Variants in DIXDC1 observed in about 807,000 individuals in gnomAD.
DIXDC1 encodes dixin.
In DIXDC1, 64 loss-of-function variants were observed where a neutral mutation model predicts 103.1. The ratio of observed to expected loss-of-function variants is 0.62; its 90% CI spans 0.51 to 0.76. The LOEUF is 0.76. Ranked by LOEUF, DIXDC1 falls within the 30% of genes least tolerant of loss-of-function variation. The probability of loss-of-function intolerance (pLI) is 0.00; values close to 1 mark genes in which losing one functional copy is unlikely to be tolerated. For missense variants in DIXDC1, 759 were observed against 834.2 expected (o/e 0.91, Z 1.11); for synonymous variants, 266 against 298.5 (o/e 0.89, Z 1.12).
At chr11:111,982,263 C>T (rs943630121) in intron 6 of DIXDC1, 76 bp from the exon 7 acceptor site, 135 of 1,518,448 alleles carry the variant, frequency 8.9e-5, no homozygotes, top group East Asian at 4.3e-4. Flanking sequence ...AACCTGTGAA[C>T]GCTACCCTGT....
intron 10 of DIXDC1, among the ~76,000 whole-genome samples, chr11:111,991,760 G>C (rs1231076188): frequency 1.3e-5 from 2 of 152,188 alleles, no homozygotes; most frequent in African/African-American, 4.8e-5. Flanking sequence ...TCAAAGAACA[G>C]TTATGCTCAG....
chr11:112,020,917 T>G lies in DIXDC1; in HGVS notation c.*1881T>G, dbSNP rs1861738303. 1 of 152,202 alleles carries G rather than the reference T, an allele frequency of 6.6e-6. No individual in the cohort carries two copies. Among genetic ancestry groups the G allele is most frequent in the Non-Finnish European group, 1.5e-5 (1 of 68,032 alleles). 9.4% of individuals were successfully genotyped at this position (152,202 alleles called of 1,614,324 possible). A position where few individuals can be genotyped will look rare whatever the true frequency, so the allele number is the denominator to read the frequency against. ...AGAAGAAAAAAGTATATTCTCACAG[T>G]TTTTCCCCAGGAAGTCTGGAGAAAA... On this transcript the variant is annotated 3_prime_UTR_variant, in exon 20 of 20. Coordinates refer to ENST00000440460, the MANE Select transcript of DIXDC1 (RefSeq NM_001037954.4).
upstream of DIXDC1, among the ~76,000 whole-genome samples, chr11:111,932,414 G>T (rs952108905): frequency 6.6e-6 from 1 of 151,624 alleles, no homozygotes; most frequent in East Asian, 2.0e-4. Context: ...CCCAGGAATA[G>T]GTTAAAAAAA....
At chr11:111,955,833 CAAAAAAAA>C (rs781822030) in intron 1 of DIXDC1, among the ~76,000 whole-genome samples, 9 of 17,668 alleles carry the variant, frequency 5.1e-4, no homozygotes, top group African/African-American at 6.8e-4. Flanking sequence ...GACTCTAGCT[CAAAAAAAA>C]AAAAAAAAAA....
At chr11:111,973,383 AAAG>A (rs1859999333) in intron 3 of DIXDC1, among the ~76,000 whole-genome samples, 1 of 152,220 alleles carries the variant, frequency 6.6e-6, no homozygotes. Context: ...AAAAAAAAAA[AAAG>A]GTGAGATTAA....
chr11:111,966,146 A>G (rs1859718084), intron 2 of DIXDC1, among the ~76,000 whole-genome samples: 1 of 143,126 alleles, frequency 7.0e-6, no homozygotes, highest in Non-Finnish European at 1.5e-5. Flanking sequence ...ATGAATATGT[A>G]TTCTTATTTT....
At chr11:112,007,023 T>C (rs1555176671) in intron 17 of DIXDC1, among the ~76,000 whole-genome samples, 1 of 152,168 alleles carries the variant, frequency 6.6e-6, no homozygotes, top group Non-Finnish European at 1.5e-5. Context: ...TAGAGGAGGA[T>C]GTTTGAACCC....
chr11:111,954,529 G>T (rs2105619), intron 1 of DIXDC1, among the ~76,000 whole-genome samples: 47,398 of 152,066 alleles, frequency 0.31, 8,423 homozygotes, highest in East Asian at 0.58. Context: ...ATCTAGAGAT[G>T]ATTTAAAAGG....
chr11:111,952,025 C>A lies in DIXDC1; in HGVS notation c.61-12524C>A, dbSNP rs192322141. On this transcript the variant is annotated intron_variant, in intron 1 of 19. Transcript: ENST00000440460. ...GGATTACAAGTGTGTGCCACCACAC[C>A]TGGCTAATTTTTGTATTTTTAGTAC... is the stretch of plus-strand genomic sequence containing the variant. Among the ~76,000 whole-genome samples the A allele has an allele frequency of 4.0e-3, 615 of 152,182 alleles. 2 individuals are homozygous for A. Among genetic ancestry groups the A allele is most frequent in the African/African-American group, 0.014 (570 of 41,496 alleles).
At chr11:111,966,638 C>T (rs1252511575) in intron 2 of DIXDC1, among the ~76,000 whole-genome samples, 2 of 152,066 alleles carry the variant, frequency 1.3e-5, no homozygotes, top group East Asian at 1.9e-4. Flanking sequence ...CTCTTGACCT[C>T]GTGATCTGCC....
chr11:111,991,099 TCC>T (rs1860698563), intron 10 of DIXDC1, among the ~76,000 whole-genome samples: 1 of 152,196 alleles, frequency 6.6e-6, no homozygotes, highest in African/African-American at 2.4e-5. Context: ...TTTCCCCTCT[TCC>T]TTGCACATCC....
upstream of DIXDC1, chr11:111,937,131 C>G (rs71478707): frequency 0.19 from 83,197 of 447,720 alleles, 10,300 homozygotes; most frequent in African/African-American, 0.52. Flanking sequence ...GCGGCCCGGG[C>G]GGGGGGGGGG....
At chr11:111,967,537 C>A (rs782254532) in intron 2 of DIXDC1, among the ~76,000 whole-genome samples, 3 of 152,222 alleles carry the variant, frequency 2.0e-5, no homozygotes, top group Non-Finnish European at 4.4e-5. Flanking sequence ...CATCATGCTT[C>A]AGACTGATCT....
chr11:111,977,240 G>C lies in DIXDC1; in HGVS notation c.656+2257G>C. 1 of 1,000,218 alleles carries C rather than the reference G, an allele frequency of 1.0e-6. No homozygotes were observed. Among genetic ancestry groups the C allele is most frequent in the Non-Finnish European group, 1.2e-6 (1 of 840,428 alleles). The allele number at this position is 1,000,218 out of a possible 1,614,324, so 62.0% of individuals were successfully genotyped here. On this transcript the variant is annotated intron_variant, in intron 5 of 19. Transcript: ENST00000440460. This position sits in a 1 kb window ranked among gnomAD's most constrained non-coding sequence, Gnocchi z 6.1. ...GTCGGTTGGCCAGCGGAGCTGGCTT[G>C]GGTCGGAGCCCGGCTGCCTCGCCGC...
upstream of DIXDC1, among the ~76,000 whole-genome samples, chr11:111,933,158 C>T (rs1555167823): frequency 3.3e-5 from 5 of 152,098 alleles, no homozygotes; most frequent in Admixed American, 2.6e-4. Flanking sequence ...GACGGAGTTA[C>T]GCTCTTGTTG....
Position 111,980,865 on chromosome 11 carries a change from C to A in DIXDC1, c.769+16C>A. 1 of 1,603,836 alleles carries A rather than the reference C, an allele frequency of 6.2e-7. No individual in the cohort carries two copies. The stretch of plus-strand genomic sequence containing the variant: ...AACAGAACAGGTACTATCTCTACGC[C>A]TGCCTGGGCTGGTTCAAGGAACAGT... On this transcript the variant is annotated intron_variant, in intron 6 of 19. Transcript: ENST00000440460.
rs138958014 is a variant in DIXDC1 at position 111,986,162 on chromosome 11, T to C, written c.1009-709T>C. On this transcript the variant is annotated intron_variant, in intron 8 of 19. Coordinates refer to ENST00000440460, the MANE Select transcript of DIXDC1 (RefSeq NM_001037954.4). ...CTCCTGTCTTCCCCTAATTAAGTTT[T>C]TGTAAAACAGCAAGAATAATTTGCC... is the stretch of plus-strand genomic sequence containing the variant. Among the ~76,000 whole-genome samples, 1,456 of 152,336 alleles carry C rather than the reference T, an allele frequency of 9.6e-3. 56 individuals are homozygous for C. Among genetic ancestry groups the C allele is most frequent in the Admixed American group, 0.063 (969 of 15,292 alleles).
At chr11:111,942,449 C>T (rs1253554191) in intron 1 of DIXDC1, among the ~76,000 whole-genome samples, 2 of 152,216 alleles carry the variant, frequency 1.3e-5, no homozygotes, top group African/African-American at 4.8e-5. Flanking sequence ...TCCCCCAAAC[C>T]AAGCTCCATT....
intron 17 of DIXDC1, among the ~76,000 whole-genome samples, chr11:112,014,621 A>T (rs1555177535): frequency 6.6e-6 from 1 of 152,156 alleles, no homozygotes; most frequent in African/African-American, 2.4e-5. Flanking sequence ...ATTTTAGTGT[A>T]TTGTAATTAT....
Sources: allele counts gnomAD v4.1 joint callset (sites outside exome capture counted in the v4.1 genomes callset), GRCh38; gene constraint gnomAD v4.1.1; non-coding constraint Gnocchi (gnomAD v3.1); transcripts MANE v1.5; gene names NCBI Gene and HGNC (gene_info 2026-07-23, HGNC 2026-07-21).